The following IKZF2 variants were observed in gnomAD, a reference collection of about 807,000 sequenced individuals.
The protein encoded by IKZF2 is IKAROS family zinc finger 2, also known as zinc finger protein Helios.
Under a neutral mutation model 49.2 loss-of-function variants are expected in IKZF2, and 15 were observed. The observed-to-expected ratio is 0.30, with a 90% CI of 0.20 to 0.47. The LOEUF (loss-of-function observed/expected upper bound fraction) is 0.47. Ranked by LOEUF, IKZF2 falls within the 20% of genes least tolerant of loss-of-function variation. The probability of loss-of-function intolerance (pLI) is 1.00; values close to 1 mark genes in which losing one functional copy is unlikely to be tolerated. For synonymous variants in IKZF2, 227 were observed against 221.4 expected (o/e 1.03, Z -0.23); for missense variants, 567 against 664.6 (o/e 0.85, Z 1.61).
intron 8 of IKZF2, 28 bp from the exon 9 acceptor site, chr2:213,008,112 TAAAAAA>T: frequency 1.6e-6 from 2 of 1,280,334 alleles, no homozygotes; most frequent in East Asian, 2.6e-5. Context: ...GTGAAAGAAG[TAAAAAA>T]AAAAAAAAAA....
At chr2:213,128,804 C>CTTTTTTTTTT (rs1184422126) in intron 4 of IKZF2, among the ~76,000 whole-genome samples, 1,257 of 113,048 alleles carry the variant, frequency 0.011, no homozygotes, top group East Asian at 0.022. Flanking sequence ...ATTTTTTTTT[C>CTTTTTTTTTT]TTTTTTTTTT....
intron 6 of IKZF2, among the ~76,000 whole-genome samples, chr2:213,032,299 C>A (rs1220186148): frequency 6.6e-6 from 1 of 152,162 alleles, no homozygotes; most frequent in African/African-American, 2.4e-5. Flanking sequence ...CACCCCATCA[C>A]AATAAAGAAT....
chr2:213,028,504 G>A (rs768579905), intron 6 of IKZF2, among the ~76,000 whole-genome samples: 17 of 152,178 alleles, frequency 1.1e-4, no homozygotes, highest in Non-Finnish European at 1.9e-4. Context: ...TCATGATAAT[G>A]TCTCATCTCT....
intron 4 of IKZF2, among the ~76,000 whole-genome samples, chr2:213,069,551 G>A (rs921965955): frequency 4.6e-5 from 7 of 152,006 alleles, no homozygotes; most frequent in Admixed American, 4.6e-4. Context: ...AGCAATTACC[G>A]CAATGAACTT....
upstream of IKZF2, among the ~76,000 whole-genome samples, chr2:213,151,947 G>A (rs553778532): frequency 3.4e-4 from 52 of 151,620 alleles, no homozygotes; most frequent in African/African-American, 1.2e-3. Flanking sequence ...GACAAGTGCT[G>A]CCCCGGAGGC....
intron 4 of IKZF2, among the ~76,000 whole-genome samples, chr2:213,089,214 C>T (rs1289528010): frequency 6.6e-6 from 1 of 152,184 alleles, no homozygotes; most frequent in African/African-American, 2.4e-5. Context: ...TTTTCCCTCA[C>T]ATGCCGCTTC....
intron 4 of IKZF2, among the ~76,000 whole-genome samples, chr2:213,063,555 T>C (rs1028701117): frequency 3.3e-5 from 5 of 151,956 alleles, no homozygotes; most frequent in African/African-American, 9.7e-5. Context: ...ATCCTTTTAA[T>C]GATAATAGTA....
At chr2:213,075,172 G>A (rs1406036583) in intron 4 of IKZF2, among the ~76,000 whole-genome samples, 1 of 152,086 alleles carries the variant, frequency 6.6e-6, no homozygotes, top group Non-Finnish European at 1.5e-5. Context: ...TTCAACACAT[G>A]TCCCATTCCC....
chr2:213,041,066 C>G (rs964362685), intron 6 of IKZF2, among the ~76,000 whole-genome samples: 1 of 151,440 alleles, frequency 6.6e-6, no homozygotes, highest in African/African-American at 2.4e-5. Context: ...TGCAGTGAGC[C>G]GAGATCACGC....
At chr2:213,019,156 C>A (rs1397693218) in intron 7 of IKZF2, among the ~76,000 whole-genome samples, 1 of 151,962 alleles carries the variant, frequency 6.6e-6, no homozygotes, top group Non-Finnish European at 1.5e-5. Context: ...AAATTCCATA[C>A]TAGAAGAACA....
chr2:213,135,981 C>T lies in IKZF2; in HGVS notation c.139+11727G>A, dbSNP rs549723240. 1.1e-4 allele frequency among the ~76,000 whole-genome samples: 16 copies of T among 141,102 alleles called. 1 individual carries two copies. The South Asian group carries it at 3.7e-3, about 33-fold the overall frequency. 92.6% of individuals were successfully genotyped at this position (141,102 alleles called of 152,430 possible). On this transcript the variant is annotated intron_variant, in intron 4 of 8. Coordinates refer to ENST00000434687, the MANE Select transcript of IKZF2 (RefSeq NM_001387220.1). Reference sequence around the variant, plus strand: ...AGGAGAATTGCTTGAACCCAGGAGGCGGAGGTTGCAGTGAGCCAGATCGCG... The same window carrying T: ...AGGAGAATTGCTTGAACCCAGGAGGTGGAGGTTGCAGTGAGCCAGATCGCG...
At chr2:213,117,568 G>A (rs2059916410) in intron 4 of IKZF2, among the ~76,000 whole-genome samples, 1 of 152,180 alleles carries the variant, frequency 6.6e-6, no homozygotes, top group African/African-American at 2.4e-5. Flanking sequence ...GCTCTGCTAA[G>A]GGCAGGGGCT....
intron 4 of IKZF2, among the ~76,000 whole-genome samples, chr2:213,116,694 G>A (rs1302060871): frequency 1.3e-5 from 2 of 152,118 alleles, no homozygotes; most frequent in African/African-American, 2.4e-5. Flanking sequence ...AGCCATGATC[G>A]CATCACTGCA....
At chr2:213,137,457 T>C (rs923209882) in intron 4 of IKZF2, among the ~76,000 whole-genome samples, 3 of 152,134 alleles carry the variant, frequency 2.0e-5, no homozygotes, top group Admixed American at 6.5e-5. Flanking sequence ...CTAAAAATTA[T>C]TGAATAGCTC....
intron 7 of IKZF2, chr2:213,021,490 G>A: frequency 3.8e-6 from 1 of 261,690 alleles, no homozygotes; most frequent in South Asian, 3.9e-5. Flanking sequence ...TAGAGATCAG[G>A]ATGTTTTGCT....
rs1467575861 is a variant in IKZF2 at position 213,001,315 on chromosome 2, T to C, written c.*6045A>G. 1 of 151,964 alleles carries C rather than the reference T, an allele frequency of 6.6e-6. No individual in the cohort carries two copies. The highest frequency in any genetic ancestry group is 1.5e-5 in the Non-Finnish European group (1 of 67,580). The allele number at this position is 151,964 out of a possible 1,614,324, so 9.4% of individuals were successfully genotyped here. On this transcript the variant is annotated 3_prime_UTR_variant, in exon 9 of 9. Coordinates refer to ENST00000434687, the MANE Select transcript of IKZF2 (RefSeq NM_001387220.1). ...CAATTAGGAGAAAGTTAAGACTCTT[T>C]GCTTTACATTTTTAACACCTTTCTA...
intron 6 of IKZF2, among the ~76,000 whole-genome samples, chr2:213,026,844 T>C (rs1442790813): frequency 6.6e-6 from 1 of 152,148 alleles, no homozygotes; most frequent in Non-Finnish European, 1.5e-5. Context: ...TTGCTGCTGT[T>C]AGGTAACACT....
intron 4 of IKZF2, among the ~76,000 whole-genome samples, chr2:213,125,096 T>C (rs574091960): frequency 6.6e-6 from 1 of 152,322 alleles, no homozygotes; most frequent in African/African-American, 2.4e-5. Context: ...GCTAAATACT[T>C]TGGAAGGGTT....
intron 4 of IKZF2, among the ~76,000 whole-genome samples, chr2:213,060,176 G>C (rs904968194): frequency 1.3e-5 from 2 of 151,340 alleles, no homozygotes; most frequent in Admixed American, 1.3e-4. Context: ...CTATTACATA[G>C]AAAAGTTTTC....
Sources: allele counts gnomAD v4.1 joint callset (sites outside exome capture counted in the v4.1 genomes callset), GRCh38; gene constraint gnomAD v4.1.1; transcripts MANE v1.5; gene names NCBI Gene and HGNC (gene_info 2026-07-23, HGNC 2026-07-21).